Variants in COL5A2 observed in about 807,000 individuals in gnomAD.
COL5A2 encodes collagen type V alpha 2 chain, also known as collagen alpha-2(V) chain.
Under a neutral mutation model 208.2 loss-of-function variants are expected in COL5A2, and 23 were observed. The ratio of observed to expected loss-of-function variants is 0.11; its 90% CI spans 0.08 to 0.16. The LOEUF (loss-of-function observed/expected upper bound fraction) is 0.16. Ranked by LOEUF, COL5A2 falls within the 10% of genes least tolerant of loss-of-function variation. The pLI, the probability that COL5A2 is intolerant of heterozygous loss-of-function variation, is 1.00. For synonymous variants in COL5A2, 625 were observed against 628.5 expected (o/e 0.99, Z 0.08); for missense variants, 1,590 against 1,956.4 (o/e 0.81, Z 3.53).
At chr2:189,065,110 G>C in intron 23 of COL5A2, 53 bp from the exon 24 acceptor site, 9 of 1,501,770 alleles carry the variant, frequency 6.0e-6, no homozygotes, top group Non-Finnish European at 6.5e-6. Flanking sequence ...TTTGCAATAT[G>C]TAATGAATAG....
At chr2:189,262,394 CTAGTT>C in the COL5A2 span, among the ~76,000 whole-genome samples, 4 of 151,848 alleles carry the variant, frequency 2.6e-5, no homozygotes, top group Non-Finnish European at 2.9e-5. Flanking sequence ...CACATACACA[CTAGTT>C]TACCAACTTT....
the COL5A2 span, chr2:189,311,785 C>T: frequency 1.1e-6 from 1 of 874,684 alleles, no homozygotes; most frequent in Non-Finnish European, 1.9e-6. Flanking sequence ...CAGCTCATCA[C>T]ATTGGACCTG....
chr2:189,290,957 G>A, the COL5A2 span, among the ~76,000 whole-genome samples: 1 of 152,076 alleles, frequency 6.6e-6, no homozygotes, highest in East Asian at 1.9e-4. Flanking sequence ...CTAAAATACT[G>A]GGCCTCATTC....
the COL5A2 span, among the ~76,000 whole-genome samples, chr2:189,322,725 C>T: frequency 6.6e-6 from 1 of 152,174 alleles, no homozygotes; most frequent in African/African-American, 2.4e-5. Flanking sequence ...CAGACGGATA[C>T]ACAGCCGAAT....
the COL5A2 span, among the ~76,000 whole-genome samples, chr2:189,264,138 C>A: frequency 6.6e-6 from 1 of 151,684 alleles, no homozygotes; most frequent in Non-Finnish European, 1.5e-5. Context: ...CTAGAAAATA[C>A]GTGTGTAAGA....
rs142312726 is a variant in COL5A2 at position 189,079,104 on chromosome 2, C to T, written c.964G>A (p.Glu322Lys). Residue 322 changes from glutamate (E) to lysine (K), a missense_variant, in exon 15 of 54, where the codon GAA becomes AAA. Glu to Lys is a moderately conservative substitution (Grantham distance 56, BLOSUM62 1). Coordinates refer to ENST00000374866, the MANE Select transcript of COL5A2 (RefSeq NM_000393.5). ...GEVGAPGSKG[E>K]AGPTGPMGAM... Reference sequence around the variant, plus strand: ...CCCATTGGACCAGTGGGGCCAGCTTCACCCTAAAAAAAAATGAGAATACAT... The same window carrying T: ...CCCATTGGACCAGTGGGGCCAGCTTTACCCTAAAAAAAAATGAGAATACAT... 4.3e-6 allele frequency: 7 copies of T among 1,611,672 alleles called. No homozygotes were observed. The Middle Eastern group carries it at 5.0e-4, about 114-fold the overall frequency.
the COL5A2 span, among the ~76,000 whole-genome samples, chr2:189,402,995 T>G: frequency 6.6e-6 from 1 of 152,224 alleles, no homozygotes; most frequent in African/African-American, 2.4e-5. Context: ...ATAAACTGCT[T>G]TGGGCAGTAT....
chr2:189,419,814 A>G, the COL5A2 span, among the ~76,000 whole-genome samples: 1 of 150,856 alleles, frequency 6.6e-6, no homozygotes, highest in Non-Finnish European at 1.5e-5. Flanking sequence ...ACAGAAAAGA[A>G]AAGAAAAGAG....
rs1261961373 is a variant in COL5A2, at chr2:189,049,524, G to C, written c.3040-70C>G. 18 of 1,258,922 alleles carry C rather than the reference G, an allele frequency of 1.4e-5. 1 individual carries two copies. The Middle Eastern group carries it at 1.7e-3, about 116-fold the overall frequency. 78.0% of individuals were successfully genotyped at this position (1,258,922 alleles called of 1,614,324 possible). On this transcript the variant is annotated intron_variant, in intron 43 of 53. Transcript: ENST00000374866. Reference sequence around the variant, plus strand: ...GAACGCTAGTTCCCATAAAGGCTAAGTTTTCAAAATGGTGCCTCTGGGCTC... The same window carrying C: ...GAACGCTAGTTCCCATAAAGGCTAACTTTTCAAAATGGTGCCTCTGGGCTC...
intron 8 of COL5A2, among the ~76,000 whole-genome samples, chr2:189,087,473 AT>A (rs979067174): frequency 3.3e-5 from 5 of 150,644 alleles, no homozygotes; most frequent in Admixed American, 6.6e-5. Context: ...TTCTTTTTGG[AT>A]TTTTTTTTAG....
rs114265027 is a variant in COL5A2 at position 189,117,410 on chromosome 2, A to G, written c.98-6961T>C. Among the ~76,000 whole-genome samples, 1,169 of 152,270 alleles carry G rather than the reference A, an allele frequency of 7.7e-3. 12 individuals are homozygous for G. Among genetic ancestry groups the G allele is most frequent in the African/African-American group, 0.026 (1,081 of 41,568 alleles). ...AATCTTAAATATTAATCCTCAGTGA[A>G]TAAGTTTGGTACAGAGCTATGCCAA... is the stretch of plus-strand genomic sequence containing the variant. On this transcript the variant is annotated intron_variant, in intron 1 of 53. Transcript: ENST00000374866.
Position 189,107,144 on chromosome 2 carries a change from A to G in COL5A2, c.323-2867T>C, listed in dbSNP as rs554464067. Among the ~76,000 whole-genome samples the G allele has an allele frequency of 2.9e-3, 434 of 151,650 alleles. 2 individuals carry two copies. The highest frequency in any genetic ancestry group is 0.01 in the African/African-American group (420 of 41,522). ...AAGAGGATTTAAAAGCATTAAAACCATCTGATTTCTTTTTAAGACCTTTTA... is the reference window on the plus strand; with the variant it reads ...AAGAGGATTTAAAAGCATTAAAACCGTCTGATTTCTTTTTAAGACCTTTTA... On this transcript the variant is annotated intron_variant, in intron 2 of 53. Coordinates refer to ENST00000374866, the MANE Select transcript of COL5A2 (RefSeq NM_000393.5).
At chr2:189,291,911 G>C in the COL5A2 span, among the ~76,000 whole-genome samples, 2 of 151,988 alleles carry the variant, frequency 1.3e-5, no homozygotes, top group Non-Finnish European at 2.9e-5. Flanking sequence ...AACCTATATG[G>C]ATATTTTTGG....
chr2:189,148,644 A>G (rs1389605564), intron 1 of COL5A2, among the ~76,000 whole-genome samples: 1 of 152,238 alleles, frequency 6.6e-6, no homozygotes, highest in African/African-American at 2.4e-5. Flanking sequence ...ATGAAATGCT[A>G]TAACAATCAA....
At chr2:189,111,091 T>C (rs1687250880) in intron 1 of COL5A2, among the ~76,000 whole-genome samples, 1 of 152,190 alleles carries the variant, frequency 6.6e-6, no homozygotes. Flanking sequence ...ATGCAGATAA[T>C]GAGTGAATTA....
chr2:189,104,673 A>C (rs554861259), intron 2 of COL5A2, among the ~76,000 whole-genome samples: 3 of 151,856 alleles, frequency 2.0e-5, no homozygotes, highest in Non-Finnish European at 4.4e-5. Context: ...ACAATTATAC[A>C]CTAAAAAATG....
upstream of COL5A2, among the ~76,000 whole-genome samples, chr2:189,229,539 T>G (rs912646658): frequency 6.6e-6 from 1 of 151,250 alleles, no homozygotes; most frequent in Non-Finnish European, 1.5e-5. Flanking sequence ...GCACTAACAG[T>G]GGACAATCTG....
intron 12 of COL5A2, among the ~76,000 whole-genome samples, chr2:189,083,264 A>G (rs972717802): frequency 2.6e-5 from 4 of 152,172 alleles, no homozygotes; most frequent in Admixed American, 2.6e-4. Flanking sequence ...AAGAGGGCCT[A>G]GCAAAGCAAT....
the COL5A2 span, among the ~76,000 whole-genome samples, chr2:189,232,295 T>C: frequency 6.6e-6 from 1 of 151,742 alleles, no homozygotes; most frequent in Admixed American, 6.6e-5. Context: ...AGACTCATAT[T>C]TTTTTTCTTT....
Sources: allele counts gnomAD v4.1 joint callset (sites outside exome capture counted in the v4.1 genomes callset), GRCh38; gene constraint gnomAD v4.1.1; transcripts MANE v1.5; gene names NCBI Gene and HGNC (gene_info 2026-07-23, HGNC 2026-07-21).